The following RYR3 variants were observed in gnomAD, a reference collection of about 807,000 sequenced individuals.
RYR3 encodes ryanodine receptor 3.
Under a neutral mutation model 584.3 loss-of-function variants are expected in RYR3, and 207 were observed. The ratio of observed to expected loss-of-function variants is 0.35; its 90% CI spans 0.32 to 0.40. The LOEUF (loss-of-function observed/expected upper bound fraction) is 0.40. RYR3 is among the 10% of genes least tolerant of loss of function. The probability of loss-of-function intolerance (pLI) is 1.00; values close to 1 mark genes in which losing one functional copy is unlikely to be tolerated. For synonymous variants in RYR3, 2,416 were observed against 2,248.5 expected (o/e 1.07, Z -2.11); for missense variants, 5,616 against 6,089.2 (o/e 0.92, Z 2.59).
At chr15:33,675,582 C>G (rs1167721300) in intron 38 of RYR3, among the ~76,000 whole-genome samples, 1 of 152,284 alleles carries the variant, frequency 6.6e-6, no homozygotes, top group East Asian at 1.9e-4. Context: ...TTCATGATAT[C>G]CAGGAGACTG....
At chr15:33,806,951 A>T (rs551518805) in intron 69 of RYR3, among the ~76,000 whole-genome samples, 1 of 146,156 alleles carries the variant, frequency 6.8e-6, no homozygotes, top group Non-Finnish European at 1.5e-5. Flanking sequence ...GACAGTGGCT[A>T]TGTTGCTCAG....
intron 43 of RYR3, among the ~76,000 whole-genome samples, chr15:33,719,122 C>A (rs1363439510): frequency 6.6e-6 from 1 of 152,180 alleles, no homozygotes; most frequent in Admixed American, 6.5e-5. Context: ...TTTCCTTGGT[C>A]CCCTGTCTAA....
chr15:33,666,321 A>G (rs992379325), intron 36 of RYR3, among the ~76,000 whole-genome samples: 7 of 152,114 alleles, frequency 4.6e-5, no homozygotes, highest in African/African-American at 1.4e-4. Context: ...TAGGGTTTCT[A>G]ATACGGTATG....
chr15:33,409,579 C>A (rs957861843), intron 1 of RYR3, among the ~76,000 whole-genome samples: 1 of 152,176 alleles, frequency 6.6e-6, no homozygotes, highest in Non-Finnish European at 1.5e-5. Flanking sequence ...GCCCACTGTT[C>A]TCCAGTTTCT....
intron 1 of RYR3, among the ~76,000 whole-genome samples, chr15:33,434,482 C>T (rs57175191): frequency 0.072 from 10,988 of 152,194 alleles, 830 homozygotes; most frequent in African/African-American, 0.2. Context: ...AACTTATCTT[C>T]TCTCTGTAAT....
chr15:33,725,045 A>C (rs996141055), intron 45 of RYR3, among the ~76,000 whole-genome samples: 7 of 151,984 alleles, frequency 4.6e-5, no homozygotes, highest in African/African-American at 1.7e-4. Flanking sequence ...CAGAAAGCAC[A>C]TTATAGTTTG....
intron 12 of RYR3, among the ~76,000 whole-genome samples, chr15:33,574,868 C>T (rs577026796): frequency 6.6e-6 from 1 of 152,196 alleles, no homozygotes; most frequent in South Asian, 2.1e-4. Flanking sequence ...CATTCATGTG[C>T]CGTATTCAAG....
chr15:33,655,551 G>A (rs1217517332), intron 32 of RYR3, among the ~76,000 whole-genome samples: 1 of 152,220 alleles, frequency 6.6e-6, no homozygotes, highest in Non-Finnish European at 1.5e-5. Context: ...CCTTCTGGGT[G>A]ACATAGGCTG....
At chr15:33,601,296 C>T (rs2059648234) in intron 16 of RYR3, 123 bp from the exon 17 acceptor site, 8 of 922,908 alleles carry the variant, frequency 8.7e-6, no homozygotes, top group Non-Finnish European at 1.3e-5. Flanking sequence ...TGGCTCTGAG[C>T]TGGCTCTCTA....
At position 33,760,399 on chromosome 15, in the gene RYR3, A is replaced by G. The variant is rs188725003; in HGVS notation, c.8705+2803A>G. Among the ~76,000 whole-genome samples, 560 of 152,324 alleles carry G rather than the reference A, an allele frequency of 3.7e-3. 7 individuals are homozygous for G. The highest frequency in any genetic ancestry group is 0.012 in the African/African-American group (516 of 41,570). ...ACACACATAGGCTCAAAATAAAGGG[A>G]TGGAGAAATATTTACCAAGCAAATG... On this transcript the variant is annotated intron_variant, in intron 60 of 103. Transcript: ENST00000634891.
intron 16 of RYR3, among the ~76,000 whole-genome samples, chr15:33,593,602 G>A (rs375360906): frequency 3.5e-4 from 54 of 152,140 alleles, no homozygotes; most frequent in African/African-American, 1.3e-3. Flanking sequence ...TCTGGCTTCG[G>A]TACACAGGGT....
At chr15:33,808,663 C>A (rs1056182970) in intron 70 of RYR3, among the ~76,000 whole-genome samples, 2 of 152,114 alleles carry the variant, frequency 1.3e-5, no homozygotes, top group Non-Finnish European at 2.9e-5. Context: ...GAGTCGCAAC[C>A]TTTAGAATTT....
chr15:33,742,550 T>C, intron 52 of RYR3, 106 bp downstream of exon 52: 1 of 765,860 alleles, frequency 1.3e-6, no homozygotes, highest in Non-Finnish European at 2.2e-6. Flanking sequence ...GTAACAGATT[T>C]TCCATGCCGA....
At chr15:33,465,123 G>T (rs2048379171) in intron 1 of RYR3, among the ~76,000 whole-genome samples, 1 of 152,028 alleles carries the variant, frequency 6.6e-6, no homozygotes, top group East Asian at 1.9e-4. Flanking sequence ...TGCCACATTT[G>T]GTTCATCCGT....
At chr15:33,649,705 C>T (rs1038960548) in intron 31 of RYR3, among the ~76,000 whole-genome samples, 1 of 152,192 alleles carries the variant, frequency 6.6e-6, no homozygotes, top group African/African-American at 2.4e-5. Flanking sequence ...GACATTGAAA[C>T]TTCATGAATA....
At chr15:33,553,533 G>A (rs1257570557) in intron 10 of RYR3, among the ~76,000 whole-genome samples, 1 of 152,128 alleles carries the variant, frequency 6.6e-6, no homozygotes, top group South Asian at 2.1e-4. Context: ...GTTATTGGCC[G>A]GGCCTGGCTC....
intron 2 of RYR3, among the ~76,000 whole-genome samples, chr15:33,475,645 C>G (rs973553208): frequency 6.6e-6 from 1 of 152,188 alleles, no homozygotes; most frequent in Non-Finnish European, 1.5e-5. Context: ...AGGGCACAGG[C>G]TGTGAGCCAG....
At chr15:33,526,912 T>G (rs2054438210) in intron 3 of RYR3, among the ~76,000 whole-genome samples, 1 of 152,214 alleles carries the variant, frequency 6.6e-6, no homozygotes, top group Non-Finnish European at 1.5e-5. Flanking sequence ...AAGAATTCTC[T>G]CATAAGATGT....
Position 33,819,734 on chromosome 15 carries a change from A to G in RYR3, c.10707-22A>G, listed in dbSNP as rs773292568. On this transcript the variant is annotated intron_variant, in intron 76 of 103. Transcript: ENST00000634891. ...AATAAATAAATAAAAAGCCTGCTAA[A>G]TATTTCCTCCATTCTTTCCAGCAAA... is the stretch of plus-strand genomic sequence containing the variant. 1.3e-5 allele frequency: 18 copies of G among 1,391,554 alleles called. No homozygotes were observed. The African/African-American group carries it at 2.1e-4, about 16-fold the overall frequency. The allele number at this position is 1,391,554 out of a possible 1,614,324, so 86.2% of individuals were successfully genotyped here.
Sources: gnomAD v4.1 joint callset for allele counts (sites outside exome capture counted in the v4.1 genomes callset) on GRCh38, gnomAD v4.1.1 for gene constraint, MANE v1.5 for transcripts, NCBI Gene and HGNC (gene_info 2026-07-23, HGNC 2026-07-21) for gene names.